The following LRP2 variants were observed in gnomAD, a reference collection of about 807,000 sequenced individuals.
LRP2 encodes LDL receptor related protein 2.
LRP2 carries 172 observed loss-of-function variants against 531.0 expected under a neutral mutation model. That is an observed-to-expected ratio of 0.32 (90% CI 0.29 to 0.37). The LOEUF (loss-of-function observed/expected upper bound fraction) is 0.37. Among genes scored for constraint, LRP2 ranks in the 10% least tolerant of loss-of-function variants. LRP2 has a pLI of 1.00. For missense variants in LRP2, 5,167 were observed against 5,868.3 expected, an observed-to-expected ratio of 0.88 and a Z score of 3.90; for synonymous variants, 1,992 against 2,027.6, an observed-to-expected ratio of 0.98 and a Z score of 0.47.
In LRP2 at chr2:169,216,237, G is replaced by A. The variant is rs1321017979; in HGVS notation, c.5826+16C>T. 1 of 1,612,948 alleles carries A rather than the reference G, an allele frequency of 6.2e-7. No individual in the cohort carries two copies. Among genetic ancestry groups the A allele is most frequent in the South Asian group, 1.1e-5 (1 of 91,056 alleles). The stretch of plus-strand genomic sequence containing the variant: ...AGCTCAGCATAAAGACCAAAAGACT[G>A]AAAGGGTGCTCATACCACTCCTCTT... On this transcript the variant is annotated intron_variant, in intron 35 of 78. Transcript: ENST00000649046.
intron 68 of LRP2, among the ~76,000 whole-genome samples, chr2:169,148,777 T>C (rs1475522901): frequency 1.3e-5 from 2 of 152,216 alleles, no homozygotes; most frequent in Non-Finnish European, 2.9e-5. Context: ...TCGTTTATGC[T>C]ATTGCCTGAG....
At chr2:169,258,921 A>G in intron 17 of LRP2, 104 bp downstream of exon 17, 1 of 1,019,768 alleles carries the variant, frequency 9.8e-7, no homozygotes, top group Non-Finnish European at 1.6e-6. Flanking sequence ...TATACAGTTC[A>G]ATCTTATATT....
At chr2:169,265,216 T>C (rs930165124) in intron 16 of LRP2, among the ~76,000 whole-genome samples, 3 of 151,914 alleles carry the variant, frequency 2.0e-5, no homozygotes, top group Admixed American at 1.3e-4. Flanking sequence ...CATCTTCCCC[T>C]TACCTCATGA....
intron 56 of LRP2, 100 bp from the exon 57 acceptor site, chr2:169,173,324 T>C (rs1467291537): frequency 4.5e-5 from 66 of 1,463,954 alleles, no homozygotes; most frequent in Non-Finnish European, 5.9e-5. Flanking sequence ...ACAATGACCA[T>C]GTTACCAAGC....
At chr2:169,231,970 GTTGTTTTCTTTTGTT>G (rs1689423930) in intron 30 of LRP2, 128 bp from the exon 31 acceptor site, 1 of 1,107,336 alleles carries the variant, frequency 9.0e-7, no homozygotes, top group Non-Finnish European at 1.3e-6. Context: ...TGTTACCTCT[GTTGTTTTCTTTTGTT>G]TTGTTTTCAC....
intron 58 of LRP2, among the ~76,000 whole-genome samples, chr2:169,171,473 G>A (rs764801462): frequency 3.3e-5 from 5 of 152,012 alleles, no homozygotes; most frequent in African/African-American, 4.8e-5. Flanking sequence ...CAATACCTTC[G>A]ACTGGGAGAG....
intron 35 of LRP2, among the ~76,000 whole-genome samples, chr2:169,215,757 T>TA: frequency 6.8e-6 from 1 of 147,622 alleles, no homozygotes; most frequent in African/African-American, 2.5e-5. Context: ...ATATAGATCA[T>TA]ATATAGAATC....
At chr2:169,191,245 C>G (rs1687819362) in intron 48 of LRP2, among the ~76,000 whole-genome samples, 1 of 152,200 alleles carries the variant, frequency 6.6e-6, no homozygotes, top group African/African-American at 2.4e-5. Flanking sequence ...TTCACTCCAC[C>G]TGCCTCTACT....
At chr2:169,196,141 T>C (rs1297610256) in intron 46 of LRP2, among the ~76,000 whole-genome samples, 1 of 152,160 alleles carries the variant, frequency 6.6e-6, no homozygotes, top group Non-Finnish European at 1.5e-5. Context: ...TTACAGGCCC[T>C]ATGGTCTCTG....
At chr2:169,164,833 A>T (rs1325592222) in intron 62 of LRP2, among the ~76,000 whole-genome samples, 1 of 152,164 alleles carries the variant, frequency 6.6e-6, no homozygotes, top group Non-Finnish European at 1.5e-5. Context: ...CTGGGATTTG[A>T]CCATGTGCTA....
chr2:169,194,179 A>G (rs1179394018), intron 46 of LRP2, among the ~76,000 whole-genome samples: 1 of 152,212 alleles, frequency 6.6e-6, no homozygotes, highest in Non-Finnish European at 1.5e-5. Context: ...CCCAGGAAAG[A>G]TATGAATTAC....
At chr2:169,330,677 C>A (rs907927789) in intron 1 of LRP2, among the ~76,000 whole-genome samples, 4 of 152,130 alleles carry the variant, frequency 2.6e-5, no homozygotes, top group Non-Finnish European at 5.9e-5. Context: ...CCCTGACCCC[C>A]ACCTGTGGAA....
At chr2:169,292,157 G>T in intron 7 of LRP2, 96 bp downstream of exon 7, 2 of 976,152 alleles carry the variant, frequency 2.0e-6, no homozygotes, top group Non-Finnish European at 1.7e-6. Context: ...AGGCTTGCTT[G>T]TCACACAAAA....
At chr2:169,215,252 A>T (rs781733644) in intron 35 of LRP2, among the ~76,000 whole-genome samples, 1 of 152,168 alleles carries the variant, frequency 6.6e-6, no homozygotes, top group Non-Finnish European at 1.5e-5. Flanking sequence ...ATATTATGAA[A>T]AGCATCAATG....
chr2:169,270,963 G>C lies in LRP2; in HGVS notation c.2261C>G (p.Thr754Ser). The C allele has an allele frequency of 6.2e-7, 1 of 1,613,212 alleles. No individual in the cohort carries two copies. Among genetic ancestry groups the C allele is most frequent in the African/African-American group, 1.3e-5 (1 of 74,904 alleles). ...VGIDFDAQDS[T>S]IFFSDMSKHM... ...TTTTGACATATCTGAAAAAAAGATA[G>C]TGCTGTCCTGGGCGTCAAAATCAAT... Residue 754 changes from threonine (T) to serine (S), a missense_variant, in exon 16 of 79, where the codon ACT (threonine) becomes AGT (serine). By Grantham distance (58) the Thr-to-Ser change is moderately conservative. Coordinates refer to ENST00000649046, the MANE Select transcript of LRP2 (RefSeq NM_004525.3).
intron 1 of LRP2, among the ~76,000 whole-genome samples, chr2:169,350,826 G>T (rs1470035583): frequency 1.3e-5 from 2 of 151,348 alleles, no homozygotes; most frequent in African/African-American, 4.9e-5. Flanking sequence ...GCCCTCTTTG[G>T]TTGTGCCTAT....
At chr2:169,346,888 G>A (rs185627557) in intron 1 of LRP2, among the ~76,000 whole-genome samples, 23 of 152,200 alleles carry the variant, frequency 1.5e-4, no homozygotes, top group Non-Finnish European at 2.9e-4. Context: ...AGTTTCAATT[G>A]CTAACTAGAG....
chr2:169,225,428 T>A lies in LRP2; in HGVS notation c.5420A>T (p.Asp1807Val). ...NPGEIHRVKT[D>V]GTNRTVFASI... ...AGCAAATACTGTCCTGTTGGTGCCA[T>A]CTGTCTTCACTCTGTGAATTTCACC... The change falls in exon 33 of 79, where the codon GAT (aspartate) becomes GTT (valine). Residue 1807 changes from aspartate (D) to valine (V), a missense_variant. Coordinates refer to ENST00000649046, the MANE Select transcript of LRP2 (RefSeq NM_004525.3). 2 of 1,614,080 alleles carry A rather than the reference T, an allele frequency of 1.2e-6. No homozygotes were observed. The highest frequency in any genetic ancestry group is 1.7e-6 in the Non-Finnish European group (2 of 1,179,966).
At chr2:169,333,357 C>T (rs1302552505) in intron 1 of LRP2, among the ~76,000 whole-genome samples, 4 of 152,008 alleles carry the variant, frequency 2.6e-5, no homozygotes, top group Non-Finnish European at 5.9e-5. Context: ...TACAGGACCT[C>T]CTAGTACCCA....
Sources: allele counts gnomAD v4.1 joint callset (sites outside exome capture counted in the v4.1 genomes callset), GRCh38; gene constraint gnomAD v4.1.1; transcripts MANE v1.5; gene names NCBI Gene and HGNC (gene_info 2026-07-23, HGNC 2026-07-21).